DSE: variants seen among roughly 807,000 people sequenced by gnomAD.
DSE encodes the protein dermatan sulfate epimerase, also known as dermatan-sulfate epimerase.
Under a neutral mutation model 84.4 loss-of-function variants are expected in DSE, and 36 were observed. That is an observed-to-expected ratio of 0.43 (90% confidence interval 0.33 to 0.56). DSE has a LOEUF of 0.56. Ranked by LOEUF, DSE falls within the 20% of genes least tolerant of loss-of-function variation. DSE has a pLI of 0.06. For synonymous variants in DSE, 410 were observed against 430.1 expected (o/e 0.95, Z 0.58); for missense variants, 862 against 1,169.6 (o/e 0.74, Z 3.84).
At chr6:116,335,074 T>G (rs919870803) in intron 2 of DSE, among the ~76,000 whole-genome samples, 1 of 152,160 alleles carries the variant, frequency 6.6e-6, no homozygotes, top group Non-Finnish European at 1.5e-5. Context: ...CACATGCACA[T>G]GTATGTTCAT....
At chr6:116,376,917 GAA>G (rs1779961862) in intron 1 of DSE, among the ~76,000 whole-genome samples, 1 of 152,190 alleles carries the variant, frequency 6.6e-6, no homozygotes, top group Admixed American at 6.5e-5. Flanking sequence ...GACAGAGTCA[GAA>G]AGAGTTTGCA....
intron 2 of DSE, among the ~76,000 whole-genome samples, chr6:116,273,341 T>C (rs377192521): frequency 3.9e-5 from 6 of 152,302 alleles, no homozygotes; most frequent in Admixed American, 3.9e-4. Flanking sequence ...ACATCCACAT[T>C]TTTCCTAATG....
intron 1 of DSE, among the ~76,000 whole-genome samples, chr6:116,383,674 T>C (rs1251962333): frequency 1.3e-5 from 2 of 152,220 alleles, no homozygotes; most frequent in Non-Finnish European, 2.9e-5. Flanking sequence ...GGCACCTTTC[T>C]CATATTATCA....
In DSE at chr6:116,436,866, C is replaced by A. The variant is rs1583238640; in HGVS notation, c.2398C>A (p.Gln800Lys). The A allele has an allele frequency of 6.2e-7, 1 of 1,614,050 alleles. No individual in the cohort carries two copies. The highest frequency in any genetic ancestry group is 8.5e-7 in the Non-Finnish European group (1 of 1,180,000). Reference protein sequence around the residue: ...IDRIFAISQQQQQQSKSKKNR... With the variant: ...IDRIFAISQQKQQQSKSKKNR... The stretch of plus-strand genomic sequence containing the variant: ...CAGGATTTTTGCCATATCACAGCAA[C>A]AGCAGCAGCAAAGCAAGTCAAAGAA... Residue 800 changes from glutamine to lysine, a missense_variant, in exon 6 of 6, where the codon CAG becomes AAG. Physicochemically the swap from Gln to Lys is moderately conservative, Grantham distance 53 (BLOSUM62 1). Around this residue, in one of 4 missense-constraint regions of DSE, gnomAD observed 315 missense variants for 348.1 expected, o/e 0.90. Transcript: ENST00000644252.
At chr6:116,280,045 A>C in intron 2 of DSE, 1 of 660,986 alleles carries the variant, frequency 1.5e-6, no homozygotes, top group Non-Finnish European at 2.7e-6. Context: ...TCTGGGCTTT[A>C]TTTCTGTGAA....
At chr6:116,320,009 G>T (rs1156447140) in intron 2 of DSE, among the ~76,000 whole-genome samples, 1 of 152,168 alleles carries the variant, frequency 6.6e-6, no homozygotes, top group African/African-American at 2.4e-5. Flanking sequence ...AGCACCTGAT[G>T]CATTTTCTCA....
intron 2 of DSE, among the ~76,000 whole-genome samples, chr6:116,273,839 T>G (rs1772992680): frequency 6.6e-6 from 1 of 150,962 alleles, no homozygotes; most frequent in Non-Finnish European, 1.5e-5. Flanking sequence ...TTTTTGTTTT[T>G]TTTTTTTTTT....
intron 2 of DSE, among the ~76,000 whole-genome samples, chr6:116,420,406 G>A (rs1219200542): frequency 6.6e-6 from 1 of 152,180 alleles, no homozygotes; most frequent in Non-Finnish European, 1.5e-5. Flanking sequence ...ATAAGAAGCG[G>A]TGCCAGAGAG....
intron 2 of DSE, among the ~76,000 whole-genome samples, chr6:116,283,678 G>A (rs1197012253): frequency 6.6e-6 from 1 of 151,992 alleles, no homozygotes; most frequent in African/African-American, 2.4e-5. Flanking sequence ...CGTGTAGCTG[G>A]GACTACAGAC....
At chr6:116,301,036 C>A (rs759491681) in intron 2 of DSE, among the ~76,000 whole-genome samples, 2 of 152,142 alleles carry the variant, frequency 1.3e-5, no homozygotes, top group South Asian at 4.2e-4. Flanking sequence ...AGATATTATT[C>A]ATATACAAAA....
intron 2 of DSE, among the ~76,000 whole-genome samples, chr6:116,361,938 T>C (rs958140855): frequency 1.3e-5 from 2 of 152,278 alleles, no homozygotes; most frequent in African/African-American, 2.4e-5. Flanking sequence ...TCATCCTCCT[T>C]CTGATGAAAA....
At chr6:116,432,982 T>G in intron 4 of DSE, 1 of 221,872 alleles carries the variant, frequency 4.5e-6, no homozygotes, top group Non-Finnish European at 9.1e-6. Flanking sequence ...CTAGTGTTCA[T>G]TCCAGGTTCA....
intron 2 of DSE, among the ~76,000 whole-genome samples, chr6:116,330,489 ACTCTTAAT>A (rs1776872949): frequency 6.6e-6 from 1 of 152,136 alleles, no homozygotes; most frequent in African/African-American, 2.4e-5. Context: ...TAATAAGGGA[ACTCTTAAT>A]AATCAAGAAA....
chr6:116,413,991 AAGTAAATGGG>A (rs1222289132), intron 2 of DSE, among the ~76,000 whole-genome samples: 1 of 152,196 alleles, frequency 6.6e-6, no homozygotes. Flanking sequence ...GTGCTCTTTC[AAGTAAATGGG>A]AGTAACTGAG....
chr6:116,289,794 A>G (rs1774168297), intron 2 of DSE, among the ~76,000 whole-genome samples: 1 of 152,086 alleles, frequency 6.6e-6, no homozygotes, highest in African/African-American at 2.4e-5. Flanking sequence ...TTCATCCATT[A>G]GCTGAGAACT....
intron 2 of DSE, among the ~76,000 whole-genome samples, chr6:116,359,498 C>G (rs1778765574): frequency 6.6e-6 from 1 of 152,084 alleles, no homozygotes; most frequent in Non-Finnish European, 1.5e-5. Context: ...TTTAGTTCAG[C>G]TACTGTAGTT....
intron 2 of DSE, among the ~76,000 whole-genome samples, chr6:116,416,349 CTGTGTGTGTGTGTGTG>C (rs59237926): frequency 2.3e-4 from 31 of 134,036 alleles, no homozygotes; most frequent in African/African-American, 4.7e-4. Context: ...CTAATTGCCA[CTGTGTGTGTGTGTGTG>C]TGTGTGTGTG....
In DSE at chr6:116,344,384, G is replaced by T. The variant is rs570987581; in HGVS notation, c.-53-54814G>T. 2.0e-5 allele frequency among the ~76,000 whole-genome samples: 3 copies of T among 152,344 alleles called. No homozygotes were observed. The South Asian group carries it at 6.2e-4, about 32-fold the overall frequency. On this transcript the variant is annotated intron_variant, in intron 2 of 3. Transcript: ENST00000430252. ...AAAAAATGTTAAGGGCAGCCAGAGAGAAAGGTTGGGTTACCTACGAAGAGA... is the reference window on the plus strand; with the variant it reads ...AAAAAATGTTAAGGGCAGCCAGAGATAAAGGTTGGGTTACCTACGAAGAGA...
rs1191593196 is a variant in DSE, at chr6:116,443,288, T to TGAG, written c.*5944_*5946dup. The TGAG allele has an allele frequency of 1.3e-5, 2 of 152,224 alleles. No individual in the cohort carries two copies. Among genetic ancestry groups the TGAG allele is most frequent in the Non-Finnish European group, 2.9e-5 (2 of 68,032 alleles). The allele number at this position is 152,224 out of a possible 1,614,324, so 9.4% of individuals were successfully genotyped here. A position where few individuals can be genotyped will look rare whatever the true frequency, so the allele number is the denominator to read the frequency against. On this transcript the variant is annotated 3_prime_UTR_variant, in exon 6 of 6. Transcript: ENST00000644252. Reference sequence around the variant, plus strand: ...AAGGATCCCTAATGGTATATATGTCTGAGTCTTATTTAATATAAGAAGAGC... The same window carrying TGAG: ...AAGGATCCCTAATGGTATATATGTCTGAGGAGTCTTATTTAATATAAGAAGAGC...
Sources: allele counts gnomAD v4.1 joint callset (sites outside exome capture counted in the v4.1 genomes callset), GRCh38; gene constraint gnomAD v4.1.1; regional missense constraint gnomAD v4.1.1; transcripts MANE v1.5; gene names NCBI Gene and HGNC (gene_info 2026-07-23, HGNC 2026-07-21).